The following THSD7B variants were observed in gnomAD, a reference collection of about 807,000 sequenced individuals.
THSD7B encodes the protein thrombospondin type 1 domain containing 7B.
THSD7B carries 138 observed loss-of-function variants against 213.6 expected under a neutral mutation model. The observed-to-expected ratio is 0.65, with a 90% confidence interval of 0.56 to 0.74. The LOEUF (loss-of-function observed/expected upper bound fraction) is 0.74. Ranked by LOEUF, THSD7B falls within the 30% of genes least tolerant of loss-of-function variation. The pLI is 0.00. For synonymous variants in THSD7B, 742 were observed against 687.0 expected, an observed-to-expected ratio of 1.08 and a Z score of -1.25; for missense variants, 1,931 against 1,991.5, an observed-to-expected ratio of 0.97 and a Z score of 0.58.
chr2:137,523,337 G>T (rs1680221513), intron 15 of THSD7B, among the ~76,000 whole-genome samples: 1 of 152,050 alleles, frequency 6.6e-6, no homozygotes, highest in Non-Finnish European at 1.5e-5. Context: ...TCTCACATTT[G>T]GAGTTTACCA....
At chr2:136,967,941 T>G (rs139169931) in intron 2 of THSD7B, among the ~76,000 whole-genome samples, 2 of 152,324 alleles carry the variant, frequency 1.3e-5, no homozygotes, top group East Asian at 3.9e-4. Flanking sequence ...CCATATAGTA[T>G]CACGTCGCTG....
intron 3 of THSD7B, among the ~76,000 whole-genome samples, chr2:137,086,447 A>G (rs1214972055): frequency 6.6e-6 from 1 of 151,596 alleles, no homozygotes; most frequent in African/African-American, 2.4e-5. Context: ...TATCCCTCCA[A>G]CTCCTGCTTC....
intron 3 of THSD7B, among the ~76,000 whole-genome samples, chr2:137,064,682 G>A (rs1037430405): frequency 7.9e-5 from 12 of 151,542 alleles, no homozygotes; most frequent in East Asian, 2.0e-4. Flanking sequence ...TGATTTTTTT[G>A]TATGGTGAGA....
intron 12 of THSD7B, among the ~76,000 whole-genome samples, chr2:137,391,343 T>C (rs888452668): frequency 1.3e-5 from 2 of 152,206 alleles, no homozygotes; most frequent in African/African-American, 4.8e-5. Flanking sequence ...ATTTGGATCT[T>C]CTTTCTTCTT....
intron 2 of THSD7B, among the ~76,000 whole-genome samples, chr2:137,026,829 G>T (rs1686564453): frequency 6.6e-6 from 1 of 151,764 alleles, no homozygotes; most frequent in Non-Finnish European, 1.5e-5. Flanking sequence ...GATATTTAGG[G>T]TCATTGATCA....
intron 20 of THSD7B, among the ~76,000 whole-genome samples, chr2:137,637,128 G>C (rs1412147193): frequency 6.6e-6 from 1 of 152,160 alleles, no homozygotes; most frequent in African/African-American, 2.4e-5. Flanking sequence ...GGCTCCTGCT[G>C]TTAGGATTTC....
At chr2:137,583,470 A>T (rs186742350) in intron 17 of THSD7B, among the ~76,000 whole-genome samples, 110 of 152,240 alleles carry the variant, frequency 7.2e-4, no homozygotes, top group Middle Eastern at 3.4e-3. Flanking sequence ...TTATGGTTTT[A>T]GGTCTAACAT....
intron 16 of THSD7B, among the ~76,000 whole-genome samples, chr2:137,569,557 G>GT (rs1681311467): frequency 6.6e-6 from 1 of 152,054 alleles, no homozygotes; most frequent in Non-Finnish European, 1.5e-5. Flanking sequence ...AAATCCTTCA[G>GT]TTTTTTTAAG....
At chr2:137,015,037 T>TTTTGAA (rs1686311378) in intron 2 of THSD7B, among the ~76,000 whole-genome samples, 1 of 152,112 alleles carries the variant, frequency 6.6e-6, no homozygotes, top group Admixed American at 6.6e-5. Flanking sequence ...TTAAATTCAT[T>TTTTGAA]TTTGTCTCAT....
intron 12 of THSD7B, among the ~76,000 whole-genome samples, chr2:137,402,583 G>A (rs955249912): frequency 1.1e-4 from 17 of 152,038 alleles, no homozygotes; most frequent in African/African-American, 3.1e-4. Flanking sequence ...TTGGGAGGTC[G>A]AGGTGGGCAG....
At chr2:137,168,673 C>G (rs1209351571) in intron 6 of THSD7B, among the ~76,000 whole-genome samples, 4 of 152,176 alleles carry the variant, frequency 2.6e-5, no homozygotes, top group African/African-American at 9.7e-5. Context: ...TTCATAAAGA[C>G]TTCTAAGTTT....
chr2:137,544,702 C>G (rs1680675046), intron 15 of THSD7B, among the ~76,000 whole-genome samples: 1 of 151,618 alleles, frequency 6.6e-6, no homozygotes, highest in South Asian at 2.1e-4. Flanking sequence ...TATTTTTCAT[C>G]AATACCTTGT....
intron 12 of THSD7B, 69 bp downstream of exon 12, chr2:137,276,095 G>A: frequency 9.1e-7 from 1 of 1,094,272 alleles, no homozygotes; most frequent in Non-Finnish European, 1.3e-6. Context: ...CATATGTGTT[G>A]CTTACTTTTA....
At chr2:137,451,148 G>T in intron 15 of THSD7B, 125 bp downstream of exon 15, 1 of 971,260 alleles carries the variant, frequency 1.0e-6, no homozygotes, top group Non-Finnish European at 1.4e-6. Flanking sequence ...GTCAGAAGAA[G>T]GATTAAGAGG....
At chr2:137,623,515 A>G (rs1385045391) in intron 20 of THSD7B, among the ~76,000 whole-genome samples, 2 of 152,184 alleles carry the variant, frequency 1.3e-5, no homozygotes, top group African/African-American at 4.8e-5. Flanking sequence ...AGGGTATTCA[A>G]TTAGGAAAAG....
intron 2 of THSD7B, among the ~76,000 whole-genome samples, chr2:137,009,172 A>G (rs1302293151): frequency 6.6e-6 from 1 of 151,950 alleles, no homozygotes; most frequent in African/African-American, 2.4e-5. Context: ...GCCTCTGGTG[A>G]CTCTTTCAGG....
chr2:137,585,787 G>A (rs114718910), intron 17 of THSD7B, among the ~76,000 whole-genome samples: 3,043 of 152,260 alleles, frequency 0.02, 43 homozygotes, highest in Middle Eastern at 0.071. Flanking sequence ...AATAGGTGCG[G>A]TGTGGTTCTG....
intron 2 of THSD7B, among the ~76,000 whole-genome samples, chr2:137,025,763 G>T (rs1042536036): frequency 2.0e-5 from 3 of 152,024 alleles, no homozygotes; most frequent in Non-Finnish European, 4.4e-5. Flanking sequence ...ATAACTCATC[G>T]CATGGCTTCA....
intron 3 of THSD7B, among the ~76,000 whole-genome samples, chr2:137,078,227 A>G (rs1421786495): frequency 6.6e-6 from 1 of 152,128 alleles, no homozygotes; most frequent in Non-Finnish European, 1.5e-5. Flanking sequence ...TGCTTACTGT[A>G]GCCTTGTAGT....
Sources: allele counts gnomAD v4.1 joint callset (sites outside exome capture counted in the v4.1 genomes callset), GRCh38; gene constraint gnomAD v4.1.1; transcripts MANE v1.5; gene names NCBI Gene and HGNC (gene_info 2026-07-23, HGNC 2026-07-21).